DYNC1I1: variants seen among roughly 807,000 people sequenced by gnomAD.
The protein encoded by DYNC1I1 is dynein cytoplasmic 1 intermediate chain 1, also known as cytoplasmic dynein 1 intermediate chain 1.
A neutral mutation model predicts 86.6 loss-of-function variants in DYNC1I1; 43 were observed. That is an observed-to-expected ratio of 0.50 (90% confidence interval 0.39 to 0.64). The LOEUF (loss-of-function observed/expected upper bound fraction) is 0.64. Among genes scored for constraint, DYNC1I1 ranks in the 30% least tolerant of loss-of-function variants. The pLI is 0.00. For synonymous variants in DYNC1I1, 262 were observed against 283.7 expected, an observed-to-expected ratio of 0.92 and a Z score of 0.77; for missense variants, 604 against 788.8, an observed-to-expected ratio of 0.77 and a Z score of 2.81.
intron 9 of DYNC1I1, among the ~76,000 whole-genome samples, chr7:95,991,548 T>G (rs957290812): frequency 2.0e-5 from 3 of 152,148 alleles, no homozygotes; most frequent in African/African-American, 7.2e-5. Context: ...CCAGGTCCTG[T>G]GTCTCAGTTC....
At chr7:95,971,282 C>T (rs73708435) in intron 6 of DYNC1I1, among the ~76,000 whole-genome samples, 32 of 152,178 alleles carry the variant, frequency 2.1e-4, no homozygotes, top group Admixed American at 4.6e-4. Context: ...AAAGGCATTA[C>T]GCAAAAAGAT....
At chr7:95,857,935 G>A (rs1226801058) in intron 5 of DYNC1I1, among the ~76,000 whole-genome samples, 3 of 152,172 alleles carry the variant, frequency 2.0e-5, no homozygotes, top group Non-Finnish European at 2.9e-5. Context: ...TTCTTTCAAC[G>A]TCACAAACTC....
intron 6 of DYNC1I1, among the ~76,000 whole-genome samples, chr7:95,934,954 G>T (rs534348207): frequency 2.5e-4 from 36 of 146,864 alleles, no homozygotes; most frequent in East Asian, 2.0e-3. Flanking sequence ...TTTTTGTTTT[G>T]TGTGTGTGTG....
chr7:96,031,760 C>T (rs1794812966), intron 11 of DYNC1I1, among the ~76,000 whole-genome samples: 1 of 152,170 alleles, frequency 6.6e-6, no homozygotes, highest in South Asian at 2.1e-4. Context: ...GCTATTTGCA[C>T]AAAGAAGCAC....
chr7:96,099,192 G>A (rs552408983), downstream of DYNC1I1, among the ~76,000 whole-genome samples: 61 of 152,252 alleles, frequency 4.0e-4, no homozygotes, highest in African/African-American at 1.3e-3. Flanking sequence ...TGAATGATTC[G>A]GTGAGTGATG....
chr7:96,018,633 T>G (rs1335962568), intron 10 of DYNC1I1, among the ~76,000 whole-genome samples: 1 of 152,126 alleles, frequency 6.6e-6, no homozygotes, highest in African/African-American at 2.4e-5. Context: ...TGAAGAGAAG[T>G]TGGGACCTAA....
At chr7:95,912,634 C>T (rs185286749) in intron 6 of DYNC1I1, among the ~76,000 whole-genome samples, 12 of 152,292 alleles carry the variant, frequency 7.9e-5, no homozygotes, top group Admixed American at 5.9e-4. Context: ...GAGAAGGAAC[C>T]GTTCTAGCCA....
At chr7:95,833,947 T>C (rs369120359) in intron 5 of DYNC1I1, among the ~76,000 whole-genome samples, 1 of 140,532 alleles carries the variant, frequency 7.1e-6, no homozygotes, top group Non-Finnish European at 1.5e-5. Context: ...CTTTTCCTAA[T>C]TGAATACCCT....
chr7:96,074,595 T>C (rs1004838443), intron 14 of DYNC1I1, among the ~76,000 whole-genome samples: 1 of 145,006 alleles, frequency 6.9e-6, no homozygotes, highest in African/African-American at 2.5e-5. Context: ...TTCTAAGCGG[T>C]GATTTTTAAA....
At position 95,801,166 on chromosome 7, in the gene DYNC1I1, G is replaced by A. The variant is rs147563093; in HGVS notation, c.-9-3555G>A. ...AATAAATGGAAAGCCCTTTACAGTT[G>A]TGTCTTCTAACATTGTAACCTACTG... On this transcript the variant is annotated intron_variant, in intron 1 of 16. Coordinates refer to ENST00000447467, the MANE Select transcript of DYNC1I1 (RefSeq NM_001135556.2). 6.4e-3 allele frequency among the ~76,000 whole-genome samples: 968 copies of A among 152,272 alleles called. 20 individuals carry two copies. Among genetic ancestry groups the A allele is most frequent in the East Asian group, 0.03 (154 of 5,176 alleles).
In DYNC1I1 at chr7:95,813,232, AT is replaced by A; in HGVS notation, c.224-11del. 6.2e-7 allele frequency: 1 copy of A among 1,612,254 alleles called. No individual in the cohort carries two copies. The highest frequency in any genetic ancestry group is 1.1e-5 in the South Asian group (1 of 91,018). On this transcript the variant is annotated splice_polypyrimidine_tract_variant and intron_variant, in intron 3 of 16. Transcript: ENST00000447467. ...CATTTTTTAACATGGGATACCTGTT[AT>A]TTTCATTATTTAGTCCCAACCCCTA...
chr7:96,106,741 A>G (rs1791220911), intron 16 of DYNC1I1, among the ~76,000 whole-genome samples: 1 of 152,108 alleles, frequency 6.6e-6, no homozygotes, highest in African/African-American at 2.4e-5. Context: ...CTTTGTTTTC[A>G]TTTCTAGTTT....
chr7:96,105,791 C>A (rs948963792), intron 16 of DYNC1I1, among the ~76,000 whole-genome samples: 1 of 152,046 alleles, frequency 6.6e-6, no homozygotes, highest in African/African-American at 2.4e-5. Context: ...TTTGTAGAAA[C>A]GTTTTTGGTA....
intron 14 of DYNC1I1, among the ~76,000 whole-genome samples, chr7:96,064,208 A>ATCTCTCTC (rs1341363966): frequency 3.3e-5 from 4 of 122,894 alleles, no homozygotes; most frequent in African/African-American, 1.1e-4. Flanking sequence ...AGAAATATTC[A>ATCTCTCTC]TATCTCTCTC....
intron 6 of DYNC1I1, among the ~76,000 whole-genome samples, chr7:95,947,317 T>C (rs533361832): frequency 1.3e-5 from 2 of 152,348 alleles, no homozygotes; most frequent in South Asian, 2.1e-4. Flanking sequence ...TGTGTCATTA[T>C]GGTCTCTCTT....
At chr7:95,837,279 C>T (rs1410234195) in intron 5 of DYNC1I1, among the ~76,000 whole-genome samples, 3 of 151,504 alleles carry the variant, frequency 2.0e-5, no homozygotes, top group Admixed American at 1.3e-4. Flanking sequence ...TTAGGCTGCT[C>T]GGGGGTCAGG....
chr7:95,848,430 T>C (rs573344920), intron 5 of DYNC1I1, among the ~76,000 whole-genome samples: 1 of 152,228 alleles, frequency 6.6e-6, no homozygotes, highest in Non-Finnish European at 1.5e-5. Flanking sequence ...ACCTTCCTAC[T>C]GTCTACTTTA....
intron 10 of DYNC1I1, among the ~76,000 whole-genome samples, chr7:96,014,108 AT>A (rs1794345740): frequency 6.6e-6 from 1 of 151,966 alleles, no homozygotes. Flanking sequence ...CATTCAAATC[AT>A]TTTTTACTTA....
chr7:96,095,764 G>A (rs576953417), intron 16 of DYNC1I1, among the ~76,000 whole-genome samples: 183 of 152,070 alleles, frequency 1.2e-3, no homozygotes, highest in Non-Finnish European at 2.1e-3. Flanking sequence ...TATGGTTTTC[G>A]TGAGCTTGTT....
Sources: gnomAD v4.1 joint callset for allele counts (sites outside exome capture counted in the v4.1 genomes callset) on GRCh38, gnomAD v4.1.1 for gene constraint, MANE v1.5 for transcripts, NCBI Gene and HGNC (gene_info 2026-07-23, HGNC 2026-07-21) for gene names.